The following NLRP14 variants were observed in gnomAD, a reference collection of about 807,000 sequenced individuals.
NLRP14 encodes the protein NACHT, LRR and PYD domains-containing protein 14.
Under a neutral mutation model 94.7 loss-of-function variants are expected in NLRP14, and 105 were observed. The observed-to-expected ratio is 1.11, with a 90% CI of 0.95 to 1.30. The LOEUF is 1.30. Ranked by LOEUF, NLRP14 falls within the 50% of genes most tolerant of loss-of-function variation. The pLI is 0.00. For synonymous variants in NLRP14, 508 were observed against 459.9 expected (o/e 1.10, Z -1.34); for missense variants, 1,362 against 1,254.1 (o/e 1.09, Z -1.30).
At chr11:7,057,918 A>G (rs572032896) in intron 7 of NLRP14, 71 bp downstream of exon 7, 1 of 1,296,330 alleles carries the variant, frequency 7.7e-7, no homozygotes, top group African/African-American at 1.4e-5. Context: ...GTGATCTGAT[A>G]GGGAAACTTC....
chr11:7,045,733 T>C (rs1418730797), intron 4 of NLRP14, among the ~76,000 whole-genome samples: 5 of 151,712 alleles, frequency 3.3e-5, no homozygotes, highest in Non-Finnish European at 5.9e-5. Flanking sequence ...TTTACATGTT[T>C]TGTATATATT....
chr11:7,069,788 A>G (rs917836257), intron 10 of NLRP14, among the ~76,000 whole-genome samples: 6 of 151,764 alleles, frequency 4.0e-5, no homozygotes, highest in Admixed American at 2.6e-4. Context: ...CACTACCCCC[A>G]GCTAATTTTT....
downstream of NLRP14, among the ~76,000 whole-genome samples, chr11:7,073,370 C>A (rs148692641): frequency 2.6e-5 from 4 of 152,298 alleles, no homozygotes; most frequent in Non-Finnish European, 5.9e-5. Context: ...AACACTTTTT[C>A]TTTGATAAGA....
Position 7,042,490 on chromosome 11 carries a change from C to A in NLRP14, c.464C>A (p.Ala155Glu), listed in dbSNP as rs368232706. Residue 155 changes from alanine (A) to glutamate (E), a missense_variant, in exon 4 of 12, where the codon GCA (alanine) becomes GAA (glutamate). By Grantham distance (107) the Ala-to-Glu change is moderately radical. Coordinates refer to ENST00000299481, the MANE Select transcript of NLRP14 (RefSeq NM_176822.4). ...CCTGAAGATTTCCATCATGGAATTG[C>A]AGAGAAAGATAGAAAACTGTTGGAA... is the stretch of plus-strand genomic sequence containing the variant. ...GKPEDFHHGI[A>E]EKDRKLLEHL... The A allele has an allele frequency of 6.2e-7, 1 of 1,613,824 alleles. No homozygotes were observed. Among genetic ancestry groups the A allele is most frequent in the Non-Finnish European group, 8.5e-7 (1 of 1,179,796 alleles).
chr11:7,086,299 G>A, the NLRP14 span, among the ~76,000 whole-genome samples: 1 of 152,128 alleles, frequency 6.6e-6, no homozygotes, highest in African/African-American at 2.4e-5. Context: ...TTCAATTAAT[G>A]TCCGAGATTG....
chr11:7,032,917 G>A (rs1852117374), intron 1 of NLRP14, among the ~76,000 whole-genome samples: 1 of 152,136 alleles, frequency 6.6e-6, no homozygotes, highest in Admixed American at 6.5e-5. Flanking sequence ...AACATCAGCA[G>A]GTCAAGGAAT....
At chr11:7,041,495 TG>T (rs1184626957) in intron 3 of NLRP14, among the ~76,000 whole-genome samples, 2 of 152,104 alleles carry the variant, frequency 1.3e-5, no homozygotes, top group Non-Finnish European at 2.9e-5. Flanking sequence ...GGTTATTATT[TG>T]GGGGGATATT....
chr11:7,089,737 A>G, the NLRP14 span: 2 of 1,545,846 alleles, frequency 1.3e-6, no homozygotes, highest in Non-Finnish European at 1.7e-6. Flanking sequence ...CGCGACCCCT[A>G]CCTGGGCCCG....
rs368505741 is a variant in NLRP14, at chr11:7,057,802, T to C, written c.2417T>C (p.Leu806Ser). 47 of 1,612,686 alleles carry C rather than the reference T, an allele frequency of 2.9e-5. No individual in the cohort carries two copies. Among genetic ancestry groups the C allele is most frequent in the Non-Finnish European group, 4.0e-5 (47 of 1,178,940 alleles). The change falls in exon 7 of 12, where the codon TTG (leucine) becomes TCG (serine). Residue 806 changes from leucine (L) to serine (S), a missense_variant. Coordinates refer to ENST00000299481, the MANE Select transcript of NLRP14 (RefSeq NM_176822.4). ...CTGTTGGATGATGGAGTGCAGCTTTTGTGTGAGGCCTTAAGACATCCAAAG... is the reference window on the plus strand; with the variant it reads ...CTGTTGGATGATGGAGTGCAGCTTTCGTGTGAGGCCTTAAGACATCCAAAG... ...NNLLDDGVQL[L>S]CEALRHPKCY...
intron 1 of NLRP14, among the ~76,000 whole-genome samples, chr11:7,032,306 C>T (rs981449829): frequency 1.3e-5 from 2 of 152,132 alleles, no homozygotes; most frequent in Middle Eastern, 3.4e-3. Context: ...TGCTGTATGA[C>T]GAGGTCATTT....
chr11:7,052,134 A>G (rs761304487), intron 6 of NLRP14, among the ~76,000 whole-genome samples: 6 of 152,214 alleles, frequency 3.9e-5, no homozygotes, highest in Admixed American at 6.5e-5. Flanking sequence ...GCATAGTCCA[A>G]TAATTTCTGA....
intron 3 of NLRP14, among the ~76,000 whole-genome samples, chr11:7,040,313 C>T (rs552313275): frequency 1.3e-5 from 2 of 152,320 alleles, no homozygotes; most frequent in African/African-American, 4.8e-5. Context: ...GGGAGCTTTA[C>T]CACCTGAGCT....
At chr11:7,055,332 C>G (rs1259589004) in intron 6 of NLRP14, among the ~76,000 whole-genome samples, 1 of 152,054 alleles carries the variant, frequency 6.6e-6, no homozygotes, top group Non-Finnish European at 1.5e-5. Context: ...ACAAAAAGCT[C>G]CTGCAACCAT....
intron 6 of NLRP14, among the ~76,000 whole-genome samples, chr11:7,050,399 G>A (rs1016257924): frequency 6.6e-6 from 1 of 152,148 alleles, no homozygotes; most frequent in East Asian, 1.9e-4. Flanking sequence ...TTCTTTGGCC[G>A]ATGAAAGTGA....
intron 3 of NLRP14, among the ~76,000 whole-genome samples, chr11:7,041,166 TC>T (rs1852242476): frequency 6.6e-6 from 1 of 152,196 alleles, no homozygotes; most frequent in South Asian, 2.1e-4. Flanking sequence ...ATAGTGTTTT[TC>T]TTCTCCCTGC....
In NLRP14 at chr11:7,047,768, CT is replaced by C. The variant is rs1184391006; in HGVS notation, c.2123+948del. Among the ~76,000 whole-genome samples, 352 of 129,586 alleles carry C rather than the reference CT, an allele frequency of 2.7e-3. 4 individuals carry two copies. The highest frequency in any genetic ancestry group is 0.011 in the African/African-American group (324 of 30,616). The allele number at this position is 129,586 out of a possible 152,430, so 85.0% of individuals were successfully genotyped here. ...ATCTTCTTTCTCTTTCTTTTCTTTT[CT>C]TTTTTTTTTTTGAGACAGTCTTGCT... is the stretch of plus-strand genomic sequence containing the variant. On this transcript the variant is annotated intron_variant, in intron 5 of 11. Transcript: ENST00000299481.
intron 1 of NLRP14, among the ~76,000 whole-genome samples, chr11:7,031,641 A>G (rs1307190985): frequency 1.3e-5 from 2 of 152,154 alleles, no homozygotes; most frequent in Admixed American, 6.5e-5. Context: ...GCCTTGACGA[A>G]TGGAGGCAAG....
Position 7,071,293 on chromosome 11 carries a change from G to C in NLRP14, c.3267G>C (p.Trp1089Cys), listed in dbSNP as rs1333291500. 6.2e-7 allele frequency: 1 copy of C among 1,612,976 alleles called. No homozygotes were observed. The highest frequency in any genetic ancestry group is 8.5e-7 in the Non-Finnish European group (1 of 1,179,274). ...ATCATAATGAAGAAGATGTGTCTTG[G>C]TGGTGGTGTTTCTGATTTGAAGAAA... ...CNYHNEEDVS[W>C]WWCF The change falls in exon 12 of 12, where the codon TGG becomes TGC. Residue 1089 changes from tryptophan to cysteine, a missense_variant. Physicochemically the swap from Trp to Cys is radical, Grantham distance 215. Transcript: ENST00000299481.
intron 5 of NLRP14, among the ~76,000 whole-genome samples, chr11:7,049,415 G>A (rs917348350): frequency 6.6e-6 from 1 of 152,038 alleles, no homozygotes; most frequent in East Asian, 1.9e-4. Flanking sequence ...GTCATTCCTG[G>A]GATTACAAGT....
Sources: allele counts gnomAD v4.1 joint callset (sites outside exome capture counted in the v4.1 genomes callset), GRCh38; gene constraint gnomAD v4.1.1; transcripts MANE v1.5; gene names NCBI Gene and HGNC (gene_info 2026-07-23, HGNC 2026-07-21).